The following RNASET2 variants were observed in gnomAD, a reference collection of about 807,000 sequenced individuals.
The protein encoded by RNASET2 is ribonuclease 6.
RNASET2 carries 28 observed loss-of-function variants against 33.9 expected under a neutral mutation model. That is an observed-to-expected ratio of 0.83 (90% CI 0.61 to 1.13). The LOEUF is 1.13. Ranked by LOEUF, RNASET2 falls within the 50% of genes most tolerant of loss-of-function variation. The pLI, the probability that RNASET2 is intolerant of heterozygous loss-of-function variation, is 0.00. For synonymous variants in RNASET2, 123 were observed against 121.0 expected (o/e 1.02, Z -0.11); for missense variants, 330 against 319.9 (o/e 1.03, Z -0.24).
At position 166,924,226 on chromosome 6, in the gene RNASET2, G is replaced by A. The variant is rs112354183; in HGVS notation, c.*5362C>T. Among the ~76,000 whole-genome samples, 497 of 152,074 alleles carry A rather than the reference G, an allele frequency of 3.3e-3. 2 individuals are homozygous for A. Among genetic ancestry groups the A allele is most frequent in the African/African-American group, 0.011 (458 of 41,474 alleles). ...ATTCATTCTCCTGCCTCAGCCTCCC[G>A]AGTAGCTGGGACTACAGGTGCCCGC... On this transcript the variant is annotated 3_prime_UTR_variant, in exon 9 of 9. Coordinates refer to ENST00000508775, the MANE Select transcript of RNASET2 (RefSeq NM_003730.6).
At position 166,924,794 on chromosome 6, in the gene RNASET2, A is replaced by G. The variant is rs566824213; in HGVS notation, c.*4794T>C. Among the ~76,000 whole-genome samples the G allele has an allele frequency of 6.6e-6, 1 of 152,276 alleles. No homozygotes were observed. The highest frequency in any genetic ancestry group is 1.5e-5 in the Non-Finnish European group (1 of 68,018). On this transcript the variant is annotated 3_prime_UTR_variant, in exon 9 of 9. Coordinates refer to ENST00000508775, the MANE Select transcript of RNASET2 (RefSeq NM_003730.6). ...ATGGAGAAAACCCATCTCTACTAAAAATACAAAATTAGCCGGGCATGGTGG... is the reference window on the plus strand; with the variant it reads ...ATGGAGAAAACCCATCTCTACTAAAGATACAAAATTAGCCGGGCATGGTGG...
chr6:166,949,487 C>T (rs1475107302), intron 2 of RNASET2, among the ~76,000 whole-genome samples: 2 of 100,674 alleles, frequency 2.0e-5, no homozygotes, highest in African/African-American at 7.9e-5. Context: ...GGTGATAGAG[C>T]AAGACTCCAT....
At chr6:166,945,843 A>AAAAAAAG (rs1554268873) in intron 4 of RNASET2, among the ~76,000 whole-genome samples, 1 of 146,260 alleles carries the variant, frequency 6.8e-6, no homozygotes, top group African/African-American at 2.7e-5. Flanking sequence ...AAAAAAAAAA[A>AAAAAAAG]AAAAGAAAAG....
chr6:166,955,253 A>ACG (rs1779098060), intron 1 of RNASET2, among the ~76,000 whole-genome samples: 2 of 92,116 alleles, frequency 2.2e-5, no homozygotes, highest in African/African-American at 1.1e-4. Context: ...ACACACGCAC[A>ACG]CACGCACACA....
chr6:166,944,140 A>G (rs986945963), intron 4 of RNASET2: 2 of 155,330 alleles, frequency 1.3e-5, no homozygotes, highest in African/African-American at 2.4e-5. Context: ...AAACGAAACC[A>G]TCAGTTAAAA....
intron 6 of RNASET2, chr6:166,934,434 A>C (rs1778519527): frequency 2.6e-6 from 1 of 378,694 alleles, no homozygotes. Context: ...CACACACATC[A>C]CCACCCGTTT....
intron 4 of RNASET2, chr6:166,943,745 A>G (rs780733999): frequency 2.8e-5 from 13 of 470,136 alleles, no homozygotes; most frequent in Non-Finnish European, 5.3e-5. Context: ...ACTATAGAAG[A>G]TGTTAATGAT....
intron 2 of RNASET2, among the ~76,000 whole-genome samples, chr6:166,950,842 G>A (rs543560691): frequency 6.6e-6 from 1 of 152,342 alleles, no homozygotes; most frequent in Non-Finnish European, 1.5e-5. Flanking sequence ...TCACTCACAG[G>A]ACATGTTAAT....
intron 5 of RNASET2, 29 bp downstream of exon 5, chr6:166,942,990 C>G (rs1448532499): frequency 1.3e-6 from 2 of 1,596,642 alleles, no homozygotes; most frequent in African/African-American, 1.3e-5. Flanking sequence ...AGACAGTAAT[C>G]AAGACAGCAA....
At position 166,938,754 on chromosome 6, in the gene RNASET2, T is replaced by C. The variant is rs1562497254; in HGVS notation, c.446+141A>G. Reference sequence around the variant, plus strand: ...GGCTCAGAACATTCCTCAGGAATGATCCCAGTAGCCGAATAGTGCACATGC... The same window carrying C: ...GGCTCAGAACATTCCTCAGGAATGACCCCAGTAGCCGAATAGTGCACATGC... On this transcript the variant is annotated intron_variant, in intron 6 of 8. Transcript: ENST00000508775. 9 of 773,294 alleles carry C rather than the reference T, an allele frequency of 1.2e-5. No individual in the cohort carries two copies. The South Asian group carries it at 1.2e-4, about 11-fold the overall frequency. 47.9% of individuals were successfully genotyped at this position (773,294 alleles called of 1,614,324 possible). A position where few individuals can be genotyped will look rare whatever the true frequency, so the allele number is the denominator to read the frequency against.
Position 166,927,713 on chromosome 6 carries a change from C to CAAAAAAAAAAAAAAAAAAAAA in RNASET2, c.*1854_*1874dup, listed in dbSNP as rs58837223. On this transcript the variant is annotated 3_prime_UTR_variant, in exon 9 of 9. Coordinates refer to ENST00000508775, the MANE Select transcript of RNASET2 (RefSeq NM_003730.6). ...TGATCCCTGTGTTCGCAAAATGACTCAAAAAAAAAAAAAAAAAAAAAAAGA... is the reference window on the plus strand; with the variant it reads ...TGATCCCTGTGTTCGCAAAATGACTCAAAAAAAAAAAAAAAAAAAAAAAAAAAAAAAAAAAAAAAAAAAAGA... Among the ~76,000 whole-genome samples the CAAAAAAAAAAAAAAAAAAAAA allele has an allele frequency of 1.1e-4, 5 of 47,340 alleles. No individual in the cohort carries two copies. The highest frequency in any genetic ancestry group is 2.6e-4 in the African/African-American group (3 of 11,648). 31.1% of individuals were successfully genotyped at this position (47,340 alleles called of 152,430 possible). A position where few individuals can be genotyped will look rare whatever the true frequency, so the allele number is the denominator to read the frequency against.
intron 2 of RNASET2, 130 bp from the exon 3 acceptor site, chr6:166,948,755 C>T: frequency 2.8e-6 from 2 of 710,320 alleles, no homozygotes; most frequent in African/African-American, 1.8e-5. Flanking sequence ...GCACTAATAA[C>T]ACAAGCTAAA....
At chr6:166,955,179 A>ACACACACACACG (rs766917268) in intron 1 of RNASET2, among the ~76,000 whole-genome samples, 17,730 of 109,396 alleles carry the variant, frequency 0.16, 2,457 homozygotes, top group East Asian at 0.3. Context: ...CGGCTGCCAC[A>ACACACACACACG]CACACACACG....
At chr6:166,940,445 A>G (rs1299335722) in intron 5 of RNASET2, among the ~76,000 whole-genome samples, 1 of 152,220 alleles carries the variant, frequency 6.6e-6, no homozygotes, top group African/African-American at 2.4e-5. Context: ...GCCTTTCCAG[A>G]GCAAATTACC....
At chr6:166,931,994 A>T (rs564722187) in intron 7 of RNASET2, 3 of 152,724 alleles carry the variant, frequency 2.0e-5, no homozygotes, top group Non-Finnish European at 4.4e-5. Context: ...TTTCCACCCC[A>T]TGGCTTCCCT....
At chr6:166,932,341 G>A (rs947062551) in intron 7 of RNASET2, 1 of 152,696 alleles carries the variant, frequency 6.5e-6, no homozygotes, top group African/African-American at 2.4e-5. Context: ...AGCGCTGCTG[G>A]AGGATGAGGT....
chr6:166,923,737 C>T lies in RNASET2; in HGVS notation c.*5851G>A, dbSNP rs1443468741. ...ACTGCCCCTTCTATGGGAAACGTAG[C>T]TCATCCCATAAGCAATGCAATGGAC... On this transcript the variant is annotated 3_prime_UTR_variant, in exon 9 of 9. Transcript: ENST00000508775. 1.3e-5 allele frequency among the ~76,000 whole-genome samples: 2 copies of T among 152,210 alleles called. No individual in the cohort carries two copies. The highest frequency in any genetic ancestry group is 2.9e-5 in the Non-Finnish European group (2 of 68,036).
intron 8 of RNASET2, 43 bp from the exon 9 acceptor site, chr6:166,929,834 G>T (rs1253187803): frequency 1.3e-6 from 2 of 1,553,634 alleles, no homozygotes; most frequent in Non-Finnish European, 1.8e-6. Flanking sequence ...TCAGATCTTG[G>T]ATTATCATCA....
intron 5 of RNASET2, among the ~76,000 whole-genome samples, chr6:166,939,899 TAAAG>T (rs1778656697): frequency 6.6e-6 from 1 of 152,248 alleles, no homozygotes; most frequent in South Asian, 2.1e-4. Context: ...TACTGCAGAT[TAAAG>T]GTTTACAAAA....
Sources: gnomAD v4.1 joint callset for allele counts (sites outside exome capture counted in the v4.1 genomes callset) on GRCh38, gnomAD v4.1.1 for gene constraint, MANE v1.5 for transcripts, NCBI Gene and HGNC (gene_info 2026-07-23, HGNC 2026-07-21) for gene names.